BRWD3: variants seen among roughly 807,000 people sequenced by gnomAD.
BRWD3 encodes bromodomain and WD repeat domain containing 3, also known as bromodomain and WD repeat-containing protein 3.
In BRWD3, 10 loss-of-function variants were observed where a neutral mutation model predicts 149.7. The ratio of observed to expected loss-of-function variants is 0.07; its 90% CI spans 0.04 to 0.11. The LOEUF (loss-of-function observed/expected upper bound fraction) is 0.11. Ranked by LOEUF, BRWD3 falls within the 10% of genes least tolerant of loss-of-function variation. The pLI is 1.00. For synonymous variants in BRWD3, 504 were observed against 456.7 expected, an observed-to-expected ratio of 1.10 and a Z score of -1.32; for missense variants, 940 against 1,373.2, an observed-to-expected ratio of 0.68 and a Z score of 4.99.
At chrX:80,760,910 G>A (rs189636782) in intron 6 of BRWD3, among the ~76,000 whole-genome samples, 28 of 111,489 alleles carry the variant, frequency 2.5e-4, no homozygotes, top group African/African-American at 8.8e-4. Flanking sequence ...ACCAGAGTGT[G>A]GTAATTCCTA....
At position 80,736,106 on chromosome X, in the gene BRWD3, C is replaced by A; in HGVS notation, c.814-18G>T. The A allele has an allele frequency of 1.0e-6, 1 of 980,541 alleles. No individual in the cohort carries two copies. The allele number at this position is 980,541 out of a possible 1,213,427, so 80.8% of individuals were successfully genotyped here. On this transcript the variant is annotated intron_variant, in intron 8 of 40. Transcript: ENST00000373275. ...GGACAAAACTTAAAAAAAAAAAAATCTGATTCAAATAAAAAGTTTTCATGT... is the reference window on the plus strand; with the variant it reads ...GGACAAAACTTAAAAAAAAAAAAATATGATTCAAATAAAAAGTTTTCATGT...
At chrX:80,712,073 A>G (rs1350938001) in intron 20 of BRWD3, among the ~76,000 whole-genome samples, 1 of 111,953 alleles carries the variant, frequency 8.9e-6, no homozygotes, top group Non-Finnish European at 1.9e-5. Flanking sequence ...TCTTTAGAAT[A>G]AATTTAGTCC....
intron 4 of BRWD3, among the ~76,000 whole-genome samples, chrX:80,805,045 G>C (rs1019661027): frequency 8.9e-6 from 1 of 111,806 alleles, no homozygotes; most frequent in African/African-American, 3.3e-5. Context: ...TGACATTTCA[G>C]ATCAGGATAC....
At chrX:80,706,361 G>A (rs1389220487) in intron 22 of BRWD3, among the ~76,000 whole-genome samples, 1 of 111,404 alleles carries the variant, frequency 9.0e-6, no homozygotes, top group African/African-American at 3.3e-5. Context: ...CTTCCACCTC[G>A]GCCTCCAAAA....
chrX:80,793,357 TAATC>T (rs940179602), intron 5 of BRWD3, among the ~76,000 whole-genome samples: 7 of 109,999 alleles, frequency 6.4e-5, no homozygotes, highest in Admixed American at 3.0e-4. Flanking sequence ...TATACTGTAT[TAATC>T]AAAGCAGGAA....
chrX:80,700,093 A>G, intron 24 of BRWD3, 29 bp from the exon 25 acceptor site: 2 of 1,064,072 alleles, frequency 1.9e-6, no homozygotes, highest in African/African-American at 1.8e-5. Flanking sequence ...GGTATTAAAC[A>G]GCAGCATCCT....
In BRWD3 at chrX:80,692,073, T is replaced by C; in HGVS notation, c.3325+16A>G. 1 of 1,200,720 alleles carries C rather than the reference T, an allele frequency of 8.3e-7. No individual in the cohort carries two copies. The highest frequency in any genetic ancestry group is 1.1e-6 in the Non-Finnish European group (1 of 886,651). ...TTTTAAAAGAATTATAATTCATTTT[T>C]TAAAAGCATATTTACTTCCTTCTGG... On this transcript the variant is annotated intron_variant, in intron 29 of 40. Transcript: ENST00000373275.
At chrX:80,699,518 T>C in intron 25 of BRWD3, among the ~76,000 whole-genome samples, 1 of 111,889 alleles carries the variant, frequency 8.9e-6, no homozygotes, top group Non-Finnish European at 1.9e-5. Context: ...GTATTATATA[T>C]GTAGCTACAA....
chrX:80,764,175 G>C, intron 6 of BRWD3, among the ~76,000 whole-genome samples: 1 of 112,326 alleles, frequency 8.9e-6, no homozygotes, highest in Non-Finnish European at 1.9e-5. Flanking sequence ...AAAGAATAAT[G>C]AACGTTGACC....
chrX:80,809,461 G>T lies in BRWD3; in HGVS notation c.11C>A (p.Ala4Glu), dbSNP rs370428229. 1 of 1,169,344 alleles carries T rather than the reference G, an allele frequency of 8.6e-7. No individual in the cohort carries two copies. ...CCCACCGGCTTCGATCTGGGTAGGT[G>T]CTGCCGCCATCCTTTTCCCGAGGGG... MAA[A>E]PTQIEAELYY... The change falls in exon 1 of 41, where the codon GCA becomes GAA. Residue 4 changes from alanine to glutamate, a missense_variant. Ala to Glu is a moderately radical substitution (Grantham distance 107, BLOSUM62 -1). Coordinates refer to ENST00000373275, the MANE Select transcript of BRWD3 (RefSeq NM_153252.5).
chrX:80,729,704 C>T (rs985574851), intron 13 of BRWD3, among the ~76,000 whole-genome samples: 2 of 111,266 alleles, frequency 1.8e-5, no homozygotes, highest in African/African-American at 6.5e-5. Flanking sequence ...TCACAAAAGA[C>T]CAGAATATCA....
At chrX:80,746,346 T>G (rs2073592573) in intron 6 of BRWD3, among the ~76,000 whole-genome samples, 1 of 111,269 alleles carries the variant, frequency 9.0e-6, no homozygotes, top group Non-Finnish European at 1.9e-5. Context: ...AACAATGAAC[T>G]TTAAAGGCTT....
chrX:80,745,474 G>C, intron 7 of BRWD3, 95 bp downstream of exon 7: 3 of 869,075 alleles, frequency 3.5e-6, no homozygotes, highest in Non-Finnish European at 4.9e-6. Flanking sequence ...TCCAAAAAAA[G>C]TGAACTGCTT....
rs138140243 is a variant in BRWD3 at position 80,774,820 on chromosome X, T to A, written c.430+17034A>T. Among the ~76,000 whole-genome samples the A allele has an allele frequency of 3.5e-4, 39 of 111,590 alleles. 1 individual carries two copies. In the East Asian group the frequency reaches 0.01, roughly 30 times the overall value. The stretch of plus-strand genomic sequence containing the variant: ...ATTACCTCCATTTCTATCACTACCA[T>A]CTCCACATTCATTTTCTGTCTATAT... On this transcript the variant is annotated intron_variant, in intron 6 of 40. Coordinates refer to ENST00000373275, the MANE Select transcript of BRWD3 (RefSeq NM_153252.5).
intron 20 of BRWD3, among the ~76,000 whole-genome samples, chrX:80,713,374 T>C (rs1355163869): frequency 8.9e-6 from 1 of 112,443 alleles, no homozygotes; most frequent in East Asian, 2.8e-4. Context: ...TGGGATCCTG[T>C]TGATCTATGA....
At chrX:80,706,141 TC>T (rs1183873592) in intron 22 of BRWD3, among the ~76,000 whole-genome samples, 2 of 110,721 alleles carry the variant, frequency 1.8e-5, no homozygotes, top group Non-Finnish European at 3.8e-5. Flanking sequence ...AGAGTTTCAC[TC>T]TTGTCGCACA....
intron 27 of BRWD3, 92 bp downstream of exon 27, chrX:80,695,816 T>C: frequency 2.6e-6 from 2 of 758,288 alleles, no homozygotes; most frequent in Non-Finnish European, 3.9e-6. Context: ...TTCAGCTAAA[T>C]GATAAGCTAC....
intron 9 of BRWD3, among the ~76,000 whole-genome samples, chrX:80,735,732 A>G (rs907267632): frequency 2.8e-5 from 3 of 105,448 alleles, no homozygotes; most frequent in Non-Finnish European, 5.8e-5. Flanking sequence ...TGAACCCGGA[A>G]GGCGGAGCTT....
intron 6 of BRWD3, among the ~76,000 whole-genome samples, chrX:80,782,054 T>C (rs1342587839): frequency 9.0e-6 from 1 of 111,303 alleles, no homozygotes; most frequent in African/African-American, 3.3e-5. Flanking sequence ...GATGACACCA[T>C]CCTGAGCAAA....
Sources: allele counts gnomAD v4.1 joint callset (sites outside exome capture counted in the v4.1 genomes callset), GRCh38; gene constraint gnomAD v4.1.1; transcripts MANE v1.5; gene names NCBI Gene and HGNC (gene_info 2026-07-23, HGNC 2026-07-21).